The following LRMDA variants were observed in gnomAD, a reference collection of about 807,000 sequenced individuals.
LRMDA encodes the protein leucine-rich melanocyte differentiation-associated protein.
Under a neutral mutation model 29.8 loss-of-function variants are expected in LRMDA, and 18 were observed. The observed-to-expected ratio is 0.60, with a 90% confidence interval of 0.42 to 0.90. LRMDA has a LOEUF of 0.90. Among genes scored for constraint, LRMDA ranks in the 40% least tolerant of loss-of-function variants. The pLI is 0.00. For missense variants in LRMDA, 273 were observed against 273.9 expected (o/e 1.00, Z 0.02); for synonymous variants, 125 against 109.4 (o/e 1.14, Z -0.89).
intron 1 of LRMDA, among the ~76,000 whole-genome samples, chr10:75,435,836 G>A (rs965334300): frequency 6.6e-6 from 1 of 152,082 alleles, no homozygotes; most frequent in Non-Finnish European, 1.5e-5. Flanking sequence ...GTGTAGCACC[G>A]TGGGAGAAGT....
chr10:76,374,160 C>T (rs1302349927), intron 6 of LRMDA, among the ~76,000 whole-genome samples: 1 of 152,158 alleles, frequency 6.6e-6, no homozygotes, highest in Non-Finnish European at 1.5e-5. Context: ...ATTGATGAAA[C>T]TCAAGTGTAC....
At chr10:75,648,738 G>A (rs1314947098) in intron 2 of LRMDA, among the ~76,000 whole-genome samples, 2 of 152,148 alleles carry the variant, frequency 1.3e-5, no homozygotes, top group Non-Finnish European at 2.9e-5. Flanking sequence ...GAAACAGAGA[G>A]TATTTGCTCT....
At chr10:76,052,943 T>C (rs537273279) in intron 4 of LRMDA, among the ~76,000 whole-genome samples, 1 of 152,066 alleles carries the variant, frequency 6.6e-6, no homozygotes, top group African/African-American at 2.4e-5. Context: ...CTTAGACCGA[T>C]CTCTTTTCAT....
intron 5 of LRMDA, among the ~76,000 whole-genome samples, 160 bp downstream of exon 5, chr10:76,058,943 G>A (rs547675367): frequency 6.6e-6 from 1 of 152,180 alleles, no homozygotes; most frequent in African/African-American, 2.4e-5. Flanking sequence ...ATGAAATAGG[G>A]TTAGGTGTAA....
intron 2 of LRMDA, among the ~76,000 whole-genome samples, chr10:75,791,856 C>CTTTTTT (rs5786188): frequency 2.9e-5 from 3 of 102,072 alleles, no homozygotes; most frequent in South Asian, 4.3e-4. Context: ...ATTCCAGGAT[C>CTTTTTT]TTTTTTTTTT....
At chr10:76,372,051 T>G (rs1208918913) in intron 6 of LRMDA, among the ~76,000 whole-genome samples, 1 of 152,208 alleles carries the variant, frequency 6.6e-6, no homozygotes, top group African/African-American at 2.4e-5. Context: ...CTAAAAGTGT[T>G]GTATAGTTAT....
At chr10:75,959,472 T>C (rs975013438) in intron 2 of LRMDA, among the ~76,000 whole-genome samples, 7 of 152,232 alleles carry the variant, frequency 4.6e-5, no homozygotes, top group Admixed American at 2.0e-4. Flanking sequence ...GGACTCTTCA[T>C]ACTGGAAGCA....
chr10:76,491,621 T>TG (rs1171237983), intron 6 of LRMDA, among the ~76,000 whole-genome samples: 1 of 152,010 alleles, frequency 6.6e-6, no homozygotes, highest in African/African-American at 2.4e-5. Context: ...CCTTGGCCTT[T>TG]GGGGGTTTGA....
intron 2 of LRMDA, among the ~76,000 whole-genome samples, chr10:75,470,036 A>T (rs1844707218): frequency 6.6e-6 from 1 of 152,146 alleles, no homozygotes. Flanking sequence ...CTCCCCTTTA[A>T]TAATACTTTT....
chr10:76,472,315 C>T (rs1842626200), intron 6 of LRMDA, among the ~76,000 whole-genome samples: 1 of 151,450 alleles, frequency 6.6e-6, no homozygotes, highest in South Asian at 2.1e-4. Context: ...TGCCATTAGT[C>T]AAAGAAGAAG....
At chr10:75,671,803 C>G (rs577731240) in intron 2 of LRMDA, among the ~76,000 whole-genome samples, 1 of 152,082 alleles carries the variant, frequency 6.6e-6, no homozygotes, top group Non-Finnish European at 1.5e-5. Flanking sequence ...TAAAAAAACC[C>G]CTAAGCCCGT....
chr10:75,790,838 C>A (rs1175481896), intron 2 of LRMDA, among the ~76,000 whole-genome samples: 1 of 152,196 alleles, frequency 6.6e-6, no homozygotes, highest in East Asian at 1.9e-4. Context: ...AGAGGAGTTA[C>A]TTTGAGACAA....
At chr10:75,616,541 TG>T (rs1210633812) in intron 2 of LRMDA, among the ~76,000 whole-genome samples, 4 of 152,236 alleles carry the variant, frequency 2.6e-5, no homozygotes, top group Admixed American at 1.3e-4. Flanking sequence ...CCCAGATAAT[TG>T]GAGTCTATGA....
At chr10:75,806,907 T>C (rs1206370233) in intron 2 of LRMDA, among the ~76,000 whole-genome samples, 2 of 152,086 alleles carry the variant, frequency 1.3e-5, no homozygotes, top group African/African-American at 2.4e-5. Flanking sequence ...CTTAAAGTGC[T>C]TCTCCTTTCT....
At chr10:76,015,137 A>C (rs1847859430) in intron 2 of LRMDA, among the ~76,000 whole-genome samples, 3 of 152,272 alleles carry the variant, frequency 2.0e-5, no homozygotes, top group Admixed American at 2.0e-4. Context: ...GAAGAAATAG[A>C]TGCCCCGGCA....
intron 2 of LRMDA, among the ~76,000 whole-genome samples, chr10:75,652,934 C>T (rs1454342555): frequency 6.6e-6 from 1 of 152,226 alleles, no homozygotes; most frequent in East Asian, 1.9e-4. Flanking sequence ...TTTCCCTCCT[C>T]TGCTAGAGAA....
At chr10:76,280,927 G>C (rs901028289) in intron 5 of LRMDA, among the ~76,000 whole-genome samples, 1 of 152,140 alleles carries the variant, frequency 6.6e-6, no homozygotes, top group East Asian at 1.9e-4. Flanking sequence ...AGAATTGCTT[G>C]TGGCCTTATT....
intron 5 of LRMDA, among the ~76,000 whole-genome samples, chr10:76,135,341 C>A (rs1270694847): frequency 2.0e-5 from 3 of 152,110 alleles, no homozygotes; most frequent in Non-Finnish European, 4.4e-5. Context: ...TTAAGGTGGA[C>A]CTTAAGATTT....
chr10:76,364,859 T>G (rs1410789181), intron 6 of LRMDA, among the ~76,000 whole-genome samples: 1 of 151,546 alleles, frequency 6.6e-6, no homozygotes, highest in Non-Finnish European at 1.5e-5. Flanking sequence ...CCTCCCATCC[T>G]TCCCCCCAAG....
Sources: allele counts gnomAD v4.1 joint callset (sites outside exome capture counted in the v4.1 genomes callset), GRCh38; gene constraint gnomAD v4.1.1; transcripts MANE v1.5; gene names NCBI Gene and HGNC (gene_info 2026-07-23, HGNC 2026-07-21).